Variants in CREB1 observed in about 807,000 individuals in gnomAD.
CREB1 encodes the protein cAMP responsive element binding protein 1.
A neutral mutation model predicts 42.0 loss-of-function variants in CREB1; 2 were observed. That is an observed-to-expected ratio of 0.05 (90% CI 0.02 to 0.15). The LOEUF (loss-of-function observed/expected upper bound fraction) is 0.15. Among genes scored for constraint, CREB1 ranks in the 10% least tolerant of loss-of-function variants. The probability of loss-of-function intolerance (pLI) is 1.00; values close to 1 mark genes in which losing one functional copy is unlikely to be tolerated. For missense variants in CREB1, 199 were observed against 388.9 expected, an observed-to-expected ratio of 0.51 and a Z score of 4.11; for synonymous variants, 123 against 139.9, an observed-to-expected ratio of 0.88 and a Z score of 0.85.
chr2:207,582,811 C>G, intron 7 of CREB1: 1 of 311,292 alleles, frequency 3.2e-6, no homozygotes, highest in South Asian at 2.5e-5. Flanking sequence ...AAGAATTGTG[C>G]GAACCTGGGA....
In CREB1 at chr2:207,598,010, C is replaced by A; in HGVS notation, c.*952C>A. 5.5e-6 allele frequency: 1 copy of A among 181,638 alleles called. No individual in the cohort carries two copies. Among genetic ancestry groups the A allele is most frequent in the East Asian group, 9.0e-5 (1 of 11,132 alleles). The allele number at this position is 181,638 out of a possible 1,614,324, so 11.3% of individuals were successfully genotyped here. A position where few individuals can be genotyped will look rare whatever the true frequency, so the allele number is the denominator to read the frequency against. On this transcript the variant is annotated 3_prime_UTR_variant, in exon 8 of 8. Transcript: ENST00000353267. ...AAAGATATTTCTAATTTACTGTTGCCCATTGCACTTACATACCACCACCAA... is the reference window on the plus strand; with the variant it reads ...AAAGATATTTCTAATTTACTGTTGCACATTGCACTTACATACCACCACCAA...
intron 1 of CREB1, among the ~76,000 whole-genome samples, chr2:207,543,704 G>C (rs1266842526): frequency 6.6e-6 from 1 of 152,056 alleles, no homozygotes; most frequent in Non-Finnish European, 1.5e-5. Flanking sequence ...CTGGGTTCAA[G>C]TGATTCTCCT....
At position 207,598,641 on chromosome 2, in the gene CREB1, G is replaced by C. The variant is rs1402435053; in HGVS notation, c.*1583G>C. On this transcript the variant is annotated 3_prime_UTR_variant, in exon 8 of 8. Coordinates refer to ENST00000353267, the MANE Select transcript of CREB1 (RefSeq NM_004379.5). The stretch of plus-strand genomic sequence containing the variant: ...GTGGGTGGATCACCTGTGGTCAAGA[G>C]TTCAAGACCAGCCTGGCCATCATGG... 1.2e-5 allele frequency: 2 copies of C among 167,788 alleles called. No homozygotes were observed. The highest frequency in any genetic ancestry group is 6.4e-5 in the Admixed American group (1 of 15,616). The allele number at this position is 167,788 out of a possible 1,614,324, so 10.4% of individuals were successfully genotyped here. A position where few individuals can be genotyped will look rare whatever the true frequency, so the allele number is the denominator to read the frequency against.
rs2086667590 is a variant in CREB1 at position 207,599,325 on chromosome 2, ATT to A, written c.*2268_*2269del. 1 of 207,274 alleles carries A rather than the reference ATT, an allele frequency of 4.8e-6. No individual in the cohort carries two copies. Among genetic ancestry groups the A allele is most frequent in the South Asian group, 1.9e-4 (1 of 5,308 alleles). The allele number at this position is 207,274 out of a possible 1,614,324, so 12.8% of individuals were successfully genotyped here. On this transcript the variant is annotated 3_prime_UTR_variant, in exon 8 of 8. Transcript: ENST00000353267. ...ATATGTTCACAAGTTGGAATTATTT[ATT>A]GAGTCAAAATGTCGAATCGAACATT...
At chr2:207,571,663 G>C (rs2082369767) in intron 5 of CREB1, 2 of 441,986 alleles carry the variant, frequency 4.5e-6, no homozygotes, top group Admixed American at 4.8e-5. Context: ...CCTCATACCA[G>C]ATGCTTTTAG....
intron 1 of CREB1, among the ~76,000 whole-genome samples, chr2:207,532,017 T>G (rs926336148): frequency 1.3e-5 from 2 of 152,224 alleles, no homozygotes; most frequent in African/African-American, 4.8e-5. Context: ...TTTTCCTTTA[T>G]GTTGTTCCGC....
chr2:207,541,419 C>G lies in CREB1; in HGVS notation c.-9+11285C>G, dbSNP rs779702545. On this transcript the variant is annotated intron_variant, in intron 1 of 7. Transcript: ENST00000353267. Reference sequence around the variant, plus strand: ...TTTATATCTTTTATTTTTACTGTACCTTTTCTATGTTTGGATATGTTTCGA... The same window carrying G: ...TTTATATCTTTTATTTTTACTGTACGTTTTCTATGTTTGGATATGTTTCGA... Among the ~76,000 whole-genome samples the G allele has an allele frequency of 2.5e-4, 38 of 151,870 alleles. 1 individual carries two copies. Among genetic ancestry groups the G allele is most frequent in the Non-Finnish European group, 4.9e-4 (33 of 67,974 alleles).
intron 1 of CREB1, among the ~76,000 whole-genome samples, chr2:207,549,242 T>C (rs1402133373): frequency 6.6e-6 from 1 of 152,250 alleles, no homozygotes; most frequent in Non-Finnish European, 1.5e-5. Flanking sequence ...GACATTTGAA[T>C]ATGCTTTTTT....
chr2:207,575,946 C>A lies in CREB1; in HGVS notation c.688+492C>A, dbSNP rs1403615448. ...CTGTTTCTCTGCTTCCCCCCCCCCC[C>A]CCAAAAGAAATTTAAATCTTCTGAG... On this transcript the variant is annotated intron_variant, in intron 6 of 7. Transcript: ENST00000353267. Among the ~76,000 whole-genome samples the A allele has an allele frequency of 2.9e-5, 2 of 68,222 alleles. 1 individual carries two copies. Among genetic ancestry groups the A allele is most frequent in the African/African-American group, 7.7e-5 (2 of 25,938 alleles). The allele number at this position is 68,222 out of a possible 152,430, so 44.8% of individuals were successfully genotyped here.
rs886811765 is a variant in CREB1 at position 207,603,385 on chromosome 2, T to G, written c.*6327T>G. On this transcript the variant is annotated 3_prime_UTR_variant, in exon 8 of 8. Transcript: ENST00000353267. Reference sequence around the variant, plus strand: ...GTATCAACTGTCATAATGCTCTTTTTACACAAACATTTATGTGCAGTCACA... The same window carrying G: ...GTATCAACTGTCATAATGCTCTTTTGACACAAACATTTATGTGCAGTCACA... 1.3e-5 allele frequency: 3 copies of G among 224,620 alleles called. No homozygotes were observed. The highest frequency in any genetic ancestry group is 6.7e-5 in the African/African-American group (3 of 44,906). The allele number at this position is 224,620 out of a possible 1,614,324, so 13.9% of individuals were successfully genotyped here.
Position 207,602,557 on chromosome 2 carries a change from C to CTT in CREB1, c.*5500_*5501insTT, listed in dbSNP as rs2087264204. 4.7e-6 allele frequency: 1 copy of CTT among 211,000 alleles called. No homozygotes were observed. The highest frequency in any genetic ancestry group is 9.6e-6 in the Non-Finnish European group (1 of 104,070). The allele number at this position is 211,000 out of a possible 1,614,324, so 13.1% of individuals were successfully genotyped here. A position where few individuals can be genotyped will look rare whatever the true frequency, so the allele number is the denominator to read the frequency against. ...GCATCTCAGAGAAGTGAGAGTAAAT[C>CTT]TGAGTTAGCTTAAAAATTGGTAGGG... On this transcript the variant is annotated 3_prime_UTR_variant, in exon 8 of 8. Coordinates refer to ENST00000353267, the MANE Select transcript of CREB1 (RefSeq NM_004379.5).
chr2:207,558,105 A>G (rs1448106392), intron 2 of CREB1, among the ~76,000 whole-genome samples: 2 of 152,220 alleles, frequency 1.3e-5, no homozygotes, highest in East Asian at 3.8e-4. Context: ...AAATAAAACT[A>G]AGCAAGATTT....
At chr2:207,554,537 T>A (rs1290781269) in intron 1 of CREB1, among the ~76,000 whole-genome samples, 1 of 152,242 alleles carries the variant, frequency 6.6e-6, no homozygotes, top group Non-Finnish European at 1.5e-5. Context: ...TTGCCTATTT[T>A]CCTGAATCCT....
intron 1 of CREB1, among the ~76,000 whole-genome samples, chr2:207,549,021 G>A (rs2081400776): frequency 6.6e-6 from 1 of 152,162 alleles, no homozygotes; most frequent in African/African-American, 2.4e-5. Context: ...TCTGTTAAAA[G>A]CAGAAAGACC....
At chr2:207,576,241 C>CTTTTTTTTTTTTTTTTTTTTTTTTTT (rs35735523) in intron 6 of CREB1, among the ~76,000 whole-genome samples, 12 of 101,064 alleles carry the variant, frequency 1.2e-4, no homozygotes, top group East Asian at 3.0e-4. Context: ...CTTTTTTTGG[C>CTTTTTTTTTTTTTTTTTTTTTTTTTT]TTTTTTTTTT....
At chr2:207,561,271 A>C in intron 3 of CREB1, 1 of 923,372 alleles carries the variant, frequency 1.1e-6, no homozygotes, top group Non-Finnish European at 1.7e-6. Flanking sequence ...TCAACACTTG[A>C]ACAAAAACCT....
In CREB1 at chr2:207,575,468, G is replaced by C; in HGVS notation, c.688+14G>C. On this transcript the variant is annotated intron_variant, in intron 6 of 7. Transcript: ENST00000353267. ...TTGTTGTTCAAGGTAAGGGAATTCA[G>C]AATTCACAGGTGTGGTAAATTCTTC... 2 of 1,585,534 alleles carry C rather than the reference G, an allele frequency of 1.3e-6. No homozygotes were observed. Among genetic ancestry groups the C allele is most frequent in the East Asian group, 2.3e-5 (1 of 44,444 alleles).
intron 2 of CREB1, among the ~76,000 whole-genome samples, chr2:207,557,539 G>A (rs2709403): frequency 0.16 from 23,675 of 152,020 alleles, 2,027 homozygotes; most frequent in Middle Eastern, 0.2. Context: ...AAAATTAGCT[G>A]GGTGTGGTTA....
At chr2:207,559,369 CT>C in intron 2 of CREB1, 1 of 822,098 alleles carries the variant, frequency 1.2e-6, no homozygotes, top group Non-Finnish European at 1.5e-6. Flanking sequence ...GTCCATTTTT[CT>C]TTTAGCAAAC....
Sources: allele counts gnomAD v4.1 joint callset (sites outside exome capture counted in the v4.1 genomes callset), GRCh38; gene constraint gnomAD v4.1.1; transcripts MANE v1.5; gene names NCBI Gene and HGNC (gene_info 2026-07-23, HGNC 2026-07-21).